Variants in TNN observed in about 807,000 individuals in gnomAD.
The protein encoded by TNN is tenascin-N.
In TNN, 122 loss-of-function variants were observed where a neutral mutation model predicts 134.4. That is an observed-to-expected ratio of 0.91 (90% CI 0.78 to 1.06). TNN has a LOEUF of 1.06. Among genes scored for constraint, TNN ranks in the 50% least tolerant of loss-of-function variants. The probability of loss-of-function intolerance (pLI) is 0.00; values close to 1 mark genes in which losing one functional copy is unlikely to be tolerated. For missense variants in TNN, 1,739 were observed against 1,699.4 expected (o/e 1.02, Z -0.41); for synonymous variants, 710 against 670.3 (o/e 1.06, Z -0.91).
In TNN at chr1:175,083,448, T is replaced by A. The variant is rs1047800039; in HGVS notation, c.1049-302T>A. On this transcript the variant is annotated intron_variant, in intron 4 of 18. Transcript: ENST00000239462. ...GACTGAGTGGTTTGGGTGGCCAACC[T>A]GAGAGGTACAGTTTGGGCTTGGCCA... Among the ~76,000 whole-genome samples the A allele has an allele frequency of 4.7e-4, 72 of 152,186 alleles. 1 individual carries two copies. The highest frequency in any genetic ancestry group is 4.6e-3 in the Admixed American group (70 of 15,284).
intron 10 of TNN, 108 bp from the exon 11 acceptor site, chr1:175,118,453 G>A (rs1013003024): frequency 3.4e-5 from 46 of 1,346,636 alleles, no homozygotes; most frequent in Admixed American, 4.4e-5. Context: ...CATATGAGGC[G>A]GAAACCCCAC....
At position 175,085,418 on chromosome 1, in the gene TNN, G is replaced by T; in HGVS notation, c.1248G>T (p.Gly416=). The change falls in exon 6 of 19, where the codon GGG becomes GGT. Residue 416 remains glycine, a synonymous_variant. Coordinates refer to ENST00000239462, the MANE Select transcript of TNN (RefSeq NM_022093.2). ...SRYDITGLHP[G]TEYKITVVPM... The stretch of plus-strand genomic sequence containing the variant: ...GCTTGTTTCCAGGTCTGCACCCGGG[G>T]ACTGAGTATAAGATCACGGTGGTGC... 1.2e-6 allele frequency: 2 copies of T among 1,612,214 alleles called. No homozygotes were observed. Among genetic ancestry groups the T allele is most frequent in the Non-Finnish European group, 1.7e-6 (2 of 1,178,698 alleles).
chr1:175,113,022 A>G (rs1180312089), intron 9 of TNN, among the ~76,000 whole-genome samples: 1 of 152,048 alleles, frequency 6.6e-6, no homozygotes, highest in African/African-American at 2.4e-5. Context: ...ATTGTTTTCT[A>G]GATTATTTTG....
chr1:175,107,031 T>C (rs1397459308), intron 9 of TNN, among the ~76,000 whole-genome samples: 1 of 145,978 alleles, frequency 6.9e-6, no homozygotes, highest in Non-Finnish European at 1.5e-5. Flanking sequence ...TGCTTGGCGA[T>C]TGGGAAAGGT....
intron 1 of TNN, among the ~76,000 whole-genome samples, chr1:175,068,501 A>G (rs1443035507): frequency 6.6e-6 from 1 of 152,258 alleles, no homozygotes; most frequent in Non-Finnish European, 1.5e-5. Flanking sequence ...ATCTCCAGAC[A>G]TTTAATTTTA....
At chr1:175,095,635 G>A (rs185548740) in intron 7 of TNN, among the ~76,000 whole-genome samples, 20 of 152,142 alleles carry the variant, frequency 1.3e-4, no homozygotes, top group South Asian at 4.2e-4. Context: ...GTGCAATGGC[G>A]CAATCTGGGC....
In TNN at chr1:175,104,743, G is replaced by T. The variant is rs1050372213; in HGVS notation, c.2119+6148G>T. ...TTTGGAGCTTTCTCCTGATATCTGTGGCTGATTGGGTAATAAACTTATCTT... is the reference window on the plus strand; with the variant it reads ...TTTGGAGCTTTCTCCTGATATCTGTTGCTGATTGGGTAATAAACTTATCTT... On this transcript the variant is annotated intron_variant, in intron 9 of 18. Coordinates refer to ENST00000239462, the MANE Select transcript of TNN (RefSeq NM_022093.2). 4.1e-5 allele frequency among the ~76,000 whole-genome samples: 6 copies of T among 145,730 alleles called. 2 individuals are homozygous for T. The highest frequency in any genetic ancestry group is 6.1e-5 in the Non-Finnish European group (4 of 65,726).
rs759628574 is a variant in TNN, at chr1:175,117,117, C to T, written c.2298C>T (p.Gly766=). The stretch of plus-strand genomic sequence containing the variant: ...AGCAGAGTAGCACTGTCCTGACGGG[C>T]CTGAGGCCGGGTGTGGAGTACACGG... ...GKEQSSTVLT[G]LRPGVEYTVH... is the part of the protein sequence containing the mutation. Residue 766 remains glycine, a synonymous_variant, in exon 10 of 19, where the codon GGC becomes GGT. Coordinates refer to ENST00000239462, the MANE Select transcript of TNN (RefSeq NM_022093.2). 9 of 1,613,778 alleles carry T rather than the reference C, an allele frequency of 5.6e-6. No homozygotes were observed. In the East Asian group the frequency reaches 2.0e-4, roughly 36 times the overall value.
intron 15 of TNN, among the ~76,000 whole-genome samples, chr1:175,130,386 C>T (rs542924808): frequency 2.6e-5 from 4 of 152,254 alleles, no homozygotes; most frequent in South Asian, 2.1e-4. Flanking sequence ...GGGAAATTCC[C>T]GATTGATTTA....
chr1:175,128,122 G>T lies in TNN; in HGVS notation c.3136G>T (p.Gly1046Cys). 6.2e-7 allele frequency: 1 copy of T among 1,612,892 alleles called. No homozygotes were observed. Among genetic ancestry groups the T allele is most frequent in the Non-Finnish European group, 8.5e-7 (1 of 1,179,370 alleles). Residue 1046 changes from glycine to cysteine, a missense_variant, in exon 14 of 19, where the codon GGT becomes TGT. Gly to Cys is a radical substitution (Grantham distance 159). Transcript: ENST00000239462. ...CCCTGTCTCCCTTGTTGCCTTTAAGGGTGGTCGCCGGAGCAGAAATGTATC... is the reference window on the plus strand; with the variant it reads ...CCCTGTCTCCCTTGTTGCCTTTAAGTGTGGTCGCCGGAGCAGAAATGTATC... Reference protein sequence around the residue: ...TYPVSLVAFKGGRRSRNVSTT... With the variant: ...TYPVSLVAFKCGRRSRNVSTT...
chr1:175,102,601 G>A (rs1202110904), intron 9 of TNN, among the ~76,000 whole-genome samples: 1 of 145,882 alleles, frequency 6.9e-6, no homozygotes, highest in East Asian at 2.3e-4. Flanking sequence ...CTGAGTGCGG[G>A]GCCCTCCAAG....
chr1:175,103,281 G>A lies in TNN; in HGVS notation c.2119+4686G>A, dbSNP rs537982628. Among the ~76,000 whole-genome samples, 11 of 146,102 alleles carry A rather than the reference G, an allele frequency of 7.5e-5. 1 individual carries two copies. Among genetic ancestry groups the A allele is most frequent in the East Asian group, 2.3e-4 (1 of 4,362 alleles). On this transcript the variant is annotated intron_variant, in intron 9 of 18. Coordinates refer to ENST00000239462, the MANE Select transcript of TNN (RefSeq NM_022093.2). ...TCAGAAGCCTTTTCCTGTAAACTCCGGGCAGCATCTCATACTATCCCCGAC... is the reference window on the plus strand; with the variant it reads ...TCAGAAGCCTTTTCCTGTAAACTCCAGGCAGCATCTCATACTATCCCCGAC...
intron 6 of TNN, among the ~76,000 whole-genome samples, chr1:175,091,004 C>G (rs897259378): frequency 1.3e-5 from 2 of 152,348 alleles, no homozygotes; most frequent in African/African-American, 2.4e-5. Context: ...ATTTAGCCAG[C>G]TGCTGCAGCT....
chr1:175,120,947 C>T lies in TNN; in HGVS notation c.2650+2123C>T, dbSNP rs562645268. On this transcript the variant is annotated intron_variant, in intron 11 of 18. Transcript: ENST00000239462. ...TCCCAAGTAGCTGGGACCATAGGCA[C>T]GTGCCACTAAACCTGTAATTTTTTA... 2.0e-4 allele frequency among the ~76,000 whole-genome samples: 30 copies of T among 152,230 alleles called. No homozygotes were observed. The South Asian group carries it at 3.7e-3, about 19-fold the overall frequency.
chr1:175,132,150 T>TA (rs755820573), intron 15 of TNN, among the ~76,000 whole-genome samples: 3 of 152,102 alleles, frequency 2.0e-5, no homozygotes, highest in Non-Finnish European at 4.4e-5. Flanking sequence ...CTGTCCTTGG[T>TA]ACAACAAGAG....
chr1:175,120,140 C>T (rs981385825), intron 11 of TNN, among the ~76,000 whole-genome samples: 2 of 152,166 alleles, frequency 1.3e-5, no homozygotes, highest in East Asian at 3.9e-4. Context: ...TGGCTGGAGC[C>T]CTGTTTCCTT....
rs762928626 is a variant in TNN at position 175,123,432 on chromosome 1, T to C, written c.2683T>C (p.Trp895Arg). The C allele has an allele frequency of 6.2e-7, 1 of 1,614,208 alleles. No homozygotes were observed. The highest frequency in any genetic ancestry group is 1.3e-5 in the African/African-American group (1 of 75,062). Residue 895 changes from tryptophan (W) to arginine (R), a missense_variant, in exon 12 of 19, where the codon TGG (tryptophan) becomes CGG (arginine). Physicochemically the swap from Trp to Arg is moderately radical, Grantham distance 101 (BLOSUM62 -3). Transcript: ENST00000239462. ...IDGPKNLVTD[W>R]VTENMATVSW... ...CGGCCCCAAAAACCTAGTGACTGACTGGGTGACGGAGAATATGGCCACTGT... is the reference window on the plus strand; with the variant it reads ...CGGCCCCAAAAACCTAGTGACTGACCGGGTGACGGAGAATATGGCCACTGT...
intron 5 of TNN, among the ~76,000 whole-genome samples, chr1:175,084,752 G>T (rs968084142): frequency 6.6e-6 from 1 of 152,188 alleles, no homozygotes; most frequent in Non-Finnish European, 1.5e-5. Flanking sequence ...GCTTCTGTTT[G>T]TCTGCATTTT....
At chr1:175,082,784 T>TA (rs1674228150) in intron 4 of TNN, among the ~76,000 whole-genome samples, 1 of 152,048 alleles carries the variant, frequency 6.6e-6, no homozygotes, top group Admixed American at 6.5e-5. Flanking sequence ...GCGTGACTGA[T>TA]GAAGAGGGGA....
Sources: allele counts gnomAD v4.1 joint callset (sites outside exome capture counted in the v4.1 genomes callset), GRCh38; gene constraint gnomAD v4.1.1; transcripts MANE v1.5; gene names NCBI Gene and HGNC (gene_info 2026-07-23, HGNC 2026-07-21).